Variants in NFATC1 observed in about 807,000 individuals in gnomAD.
NFATC1 encodes the protein nuclear factor of activated T cells 1, also known as nuclear factor of activated T-cells, cytoplasmic 1.
Under a neutral mutation model 76.0 loss-of-function variants are expected in NFATC1, and 22 were observed. The ratio of observed to expected loss-of-function variants is 0.29; its 90% CI spans 0.21 to 0.41. The LOEUF (loss-of-function observed/expected upper bound fraction) is 0.41. Among genes scored for constraint, NFATC1 ranks in the 10% least tolerant of loss-of-function variants. NFATC1 has a pLI of 1.00. For synonymous variants in NFATC1, 704 were observed against 613.1 expected (o/e 1.15, Z -2.19); for missense variants, 1,357 against 1,337.7 (o/e 1.01, Z -0.23).
intron 9 of NFATC1, among the ~76,000 whole-genome samples, chr18:79,493,226 G>C (rs551115565): frequency 1.3e-5 from 2 of 152,368 alleles, no homozygotes; most frequent in Admixed American, 6.5e-5. Context: ...GGCTCCGCTG[G>C]GGGCGGACTC....
Position 79,465,154 on chromosome 18 carries a change from A to T in NFATC1, c.1960-2296A>T, listed in dbSNP as rs8090312. ...TTGGAACCCGTATTTTTTCCGGTACAGACGAGTTTCCCTCTCCCTTCCTGT... is the reference window on the plus strand; with the variant it reads ...TTGGAACCCGTATTTTTTCCGGTACTGACGAGTTTCCCTCTCCCTTCCTGT... On this transcript the variant is annotated intron_variant, in intron 7 of 9. Coordinates refer to ENST00000427363, the MANE Select transcript of NFATC1 (RefSeq NM_001278669.2). This position sits in a 1 kb window ranked among gnomAD's most constrained non-coding sequence, Gnocchi z 4.2. 6.6e-6 allele frequency among the ~76,000 whole-genome samples: 1 copy of T among 151,976 alleles called. No individual in the cohort carries two copies. Among genetic ancestry groups the T allele is most frequent in the Non-Finnish European group, 1.5e-5 (1 of 67,988 alleles).
At chr18:79,468,660 C>G (rs1309732493) in intron 8 of NFATC1, 1 of 152,180 alleles carries the variant, frequency 6.6e-6, no homozygotes, top group South Asian at 2.1e-4. Flanking sequence ...CTAAGGAAGC[C>G]CTTGAATCCC....
In NFATC1 at chr18:79,498,668, A is replaced by G. The variant is rs369293179; in HGVS notation, c.2782+11731A>G. On this transcript the variant is annotated intron_variant, in intron 9 of 9. Transcript: ENST00000427363. ...TGGAAAACATTATTCAGTGCATCCAAATGGTTCACAAAATTCAAATGGGAT... is the reference window on the plus strand; with the variant it reads ...TGGAAAACATTATTCAGTGCATCCAGATGGTTCACAAAATTCAAATGGGAT... 3.3e-5 allele frequency among the ~76,000 whole-genome samples: 5 copies of G among 152,328 alleles called. No individual in the cohort carries two copies. In the East Asian group the frequency reaches 7.7e-4, roughly 23 times the overall value.
intron 9 of NFATC1, among the ~76,000 whole-genome samples, chr18:79,492,480 C>T (rs546606758): frequency 9.9e-5 from 15 of 152,060 alleles, no homozygotes; most frequent in South Asian, 2.1e-4. Context: ...AAGGCTGAGG[C>T]GGGTGGATCA....
intron 1 of NFATC1, among the ~76,000 whole-genome samples, chr18:79,408,823 A>G (rs888482951): frequency 2.0e-5 from 3 of 151,032 alleles, no homozygotes; most frequent in Non-Finnish European, 3.0e-5. Context: ...CCATTCATTC[A>G]TCATCCATCC....
chr18:79,479,253 G>A (rs3786203), intron 8 of NFATC1, among the ~76,000 whole-genome samples: 60,783 of 152,188 alleles, frequency 0.4, 13,443 homozygotes, highest in Middle Eastern at 0.62. Flanking sequence ...GCCCCTCATG[G>A]CTGATATCAG....
chr18:79,479,447 T>C (rs2089199142), intron 8 of NFATC1, among the ~76,000 whole-genome samples: 1 of 152,220 alleles, frequency 6.6e-6, no homozygotes, highest in Non-Finnish European at 1.5e-5. Context: ...AGGATGCGTC[T>C]TACGAGGCTC....
chr18:79,399,089 T>C (rs1198269437), intron 1 of NFATC1, among the ~76,000 whole-genome samples: 3 of 152,172 alleles, frequency 2.0e-5, no homozygotes, highest in Non-Finnish European at 4.4e-5. Context: ...ACCTGTACAA[T>C]GGAAAGAGAA....
In NFATC1 at chr18:79,451,094, C is replaced by T. The variant is rs2087452402; in HGVS notation, c.1730C>T (p.Ser577Phe). The T allele has an allele frequency of 1.2e-6, 2 of 1,613,000 alleles. No individual in the cohort carries two copies. Among genetic ancestry groups the T allele is most frequent in the Non-Finnish European group, 1.7e-6 (2 of 1,179,750 alleles). ...CCGCAACCCAGCGGCCGCACGCTGT[C>T]CCTGCAGGTGGCCTCCAACCCCATC... ...HVPQPSGRTL[S>F]LQVASNPIEC... is the part of the protein sequence containing the mutation. The change falls in exon 5 of 10, where the codon TCC becomes TTC. Residue 577 changes from serine (S) to phenylalanine (F), a missense_variant. Coordinates refer to ENST00000427363, the MANE Select transcript of NFATC1 (RefSeq NM_001278669.2).
At chr18:79,449,132 C>G in intron 4 of NFATC1, 148 bp downstream of exon 4, 1 of 715,022 alleles carries the variant, frequency 1.4e-6, no homozygotes, top group Non-Finnish European at 2.3e-6. Context: ...AAGTAAACTT[C>G]ACTCTTGCTT....
intron 2 of NFATC1, among the ~76,000 whole-genome samples, chr18:79,416,880 C>G (rs962207808): frequency 6.6e-6 from 1 of 152,236 alleles, no homozygotes; most frequent in Non-Finnish European, 1.5e-5. Context: ...CAAGCCTCAG[C>G]TGGCCTCCTG....
chr18:79,429,021 G>T lies in NFATC1; in HGVS notation c.1227-4558G>T, dbSNP rs142116512. ...GGATCACCTGAGGTCAGGAGTTCGA[G>T]ACCAGCCTGGCCAACATGGTGAAAC... On this transcript the variant is annotated intron_variant, in intron 2 of 9. Transcript: ENST00000427363. Among the ~76,000 whole-genome samples, 80 of 152,318 alleles carry T rather than the reference G, an allele frequency of 5.3e-4. 1 individual carries two copies. The East Asian group carries it at 0.015, about 28-fold the overall frequency.
chr18:79,507,282 C>G (rs1256147237), intron 9 of NFATC1, among the ~76,000 whole-genome samples: 1 of 152,274 alleles, frequency 6.6e-6, no homozygotes, highest in Non-Finnish European at 1.5e-5. Context: ...AGCTCAGTTC[C>G]CGAGGCTGCA....
chr18:79,445,619 T>A (rs2087176248), intron 3 of NFATC1, among the ~76,000 whole-genome samples: 1 of 152,234 alleles, frequency 6.6e-6, no homozygotes, highest in Non-Finnish European at 1.5e-5. Context: ...AACCGGTTTG[T>A]GAGCCGGATT....
chr18:79,525,813 A>C (rs893032562), intron 9 of NFATC1, among the ~76,000 whole-genome samples: 1 of 151,978 alleles, frequency 6.6e-6, no homozygotes, highest in Admixed American at 6.6e-5. Context: ...CTGAACCCCC[A>C]CCGTGTCTTC....
Position 79,430,043 on chromosome 18 carries a change from C to T in NFATC1, c.1227-3536C>T, listed in dbSNP as rs74399585. 3.3e-5 allele frequency among the ~76,000 whole-genome samples: 5 copies of T among 152,336 alleles called. No individual in the cohort carries two copies. The South Asian group carries it at 6.2e-4, about 19-fold the overall frequency. ...ACGTGTACTGGGGAGCCGTGGGCCA[C>T]GCCACGTGGCTAGGGTGTGCACTGG... On this transcript the variant is annotated intron_variant, in intron 2 of 9. Coordinates refer to ENST00000427363, the MANE Select transcript of NFATC1 (RefSeq NM_001278669.2).
Position 79,433,730 on chromosome 18 carries a change from A to C in NFATC1, c.1378A>C (p.Ile460Leu), listed in dbSNP as rs1044338317. 7.4e-6 allele frequency: 12 copies of C among 1,612,304 alleles called. No homozygotes were observed. The highest frequency in any genetic ancestry group is 9.3e-6 in the Non-Finnish European group (11 of 1,179,712). ...AVKASAGGHP[I>L]VQLHGYLENE... ...GAAGGCGTCGGCCGGAGGACACCCC[A>C]TCGTGCAGGTAGGCACTGCGGCCAG... Residue 460 changes from isoleucine to leucine, a missense_variant, in exon 3 of 10, where the codon ATC becomes CTC. Coordinates refer to ENST00000427363, the MANE Select transcript of NFATC1 (RefSeq NM_001278669.2).
intron 2 of NFATC1, among the ~76,000 whole-genome samples, chr18:79,425,878 C>T (rs55785023): frequency 0.13 from 20,370 of 152,194 alleles, 1,690 homozygotes; most frequent in Non-Finnish European, 0.18. Flanking sequence ...TAACAAACAC[C>T]GTTCACTGTA....
intron 9 of NFATC1, among the ~76,000 whole-genome samples, chr18:79,498,755 A>G (rs1399017047): frequency 2.6e-5 from 4 of 152,264 alleles, no homozygotes; most frequent in African/African-American, 9.6e-5. Flanking sequence ...GGGAGAGACA[A>G]TCCCGAAAGC....
Sources: gnomAD v4.1 joint callset for allele counts (sites outside exome capture counted in the v4.1 genomes callset) on GRCh38, gnomAD v4.1.1 for gene constraint, Gnocchi (gnomAD v3.1) non-coding constraint, MANE v1.5 for transcripts, NCBI Gene and HGNC (gene_info 2026-07-23, HGNC 2026-07-21) for gene names.